Variants in ANKDD1B observed in about 807,000 individuals in gnomAD.
ANKDD1B encodes the protein ankyrin repeat and death domain containing 1B.
ANKDD1B carries 57 observed loss-of-function variants against 59.7 expected under a neutral mutation model. The observed-to-expected ratio is 0.95, with a 90% confidence interval of 0.77 to 1.19. The LOEUF (loss-of-function observed/expected upper bound fraction) is 1.19. ANKDD1B is among the 50% of genes most tolerant of loss of function. The pLI is 0.00. For missense variants in ANKDD1B, 602 were observed against 641.9 expected, an observed-to-expected ratio of 0.94 and a Z score of 0.67; for synonymous variants, 216 against 239.5, an observed-to-expected ratio of 0.90 and a Z score of 0.91.
At chr5:75,655,897 G>A in intron 8 of ANKDD1B, 132 bp from the exon 9 acceptor site, 1 of 553,066 alleles carries the variant, frequency 1.8e-6, no homozygotes, top group Non-Finnish European at 3.2e-6. Context: ...CACTTACTAA[G>A]GGTCACCACT....
Position 75,667,054 on chromosome 5 carries a change from C to T in ANKDD1B, c.1393+61C>T, listed in dbSNP as rs1775326049. 3.5e-6 allele frequency: 4 copies of T among 1,147,392 alleles called. No individual in the cohort carries two copies. In the Admixed American group the frequency reaches 9.9e-5, roughly 28 times the overall value. 71.1% of individuals were successfully genotyped at this position (1,147,392 alleles called of 1,614,324 possible). A position where few individuals can be genotyped will look rare whatever the true frequency, so the allele number is the denominator to read the frequency against. On this transcript the variant is annotated intron_variant, in intron 12 of 13. Transcript: ENST00000601380. ...TCACTGTTAGGAACAGCAGTGCCTC[C>T]TGGTGTGAGGTCTTCCAAGGAAGTG...
intron 10 of ANKDD1B, among the ~76,000 whole-genome samples, chr5:75,663,176 G>A (rs1775204821): frequency 6.6e-6 from 1 of 152,178 alleles, no homozygotes; most frequent in Admixed American, 6.5e-5. Flanking sequence ...TATTCAGGGT[G>A]GCACAGGTTC....
chr5:75,654,118 T>G (rs1016476003), intron 8 of ANKDD1B, among the ~76,000 whole-genome samples: 7 of 152,242 alleles, frequency 4.6e-5, no homozygotes, highest in African/African-American at 1.2e-4. Flanking sequence ...TCACATCATC[T>G]GTCTGCTCTG....
chr5:75,618,143 A>G (rs1212747086), intron 2 of ANKDD1B, among the ~76,000 whole-genome samples: 1 of 152,120 alleles, frequency 6.6e-6, no homozygotes, highest in Non-Finnish European at 1.5e-5. Context: ...AAAGGAAGGA[A>G]AGGCAGAAAG....
At chr5:75,663,536 C>A in intron 11 of ANKDD1B, 47 bp downstream of exon 11, 1 of 1,456,482 alleles carries the variant, frequency 6.9e-7, no homozygotes, top group Non-Finnish European at 9.3e-7. Flanking sequence ...CTGGCAACAC[C>A]CATCTTCTTG....
rs754632598 is a variant in ANKDD1B at position 75,625,875 on chromosome 5, G to T, written c.520G>T (p.Ala174Ser). The T allele has an allele frequency of 1.3e-6, 2 of 1,536,328 alleles. No individual in the cohort carries two copies. The highest frequency in any genetic ancestry group is 2.4e-5 in the South Asian group (2 of 84,064). The change falls in exon 5 of 14, where the codon GCC becomes TCC. Residue 174 changes from alanine (A) to serine (S), a missense_variant. Ala to Ser is a moderately conservative substitution (Grantham distance 99, BLOSUM62 1). Around this residue, in one of 3 missense-constraint regions of ANKDD1B, gnomAD observed 317 missense variants for 304.6 expected, o/e 1.04. Coordinates refer to ENST00000601380, the MANE Select transcript of ANKDD1B (RefSeq NM_001276713.2). Reference sequence around the variant, plus strand: ...GGATGGAATGAGCGCCCTCCACTTTGCCACTCAGAGCAATCATGTGCGCAT... The same window carrying T: ...GGATGGAATGAGCGCCCTCCACTTTTCCACTCAGAGCAATCATGTGCGCAT... ...NQDGMSALHF[A>S]TQSNHVRIVE... is the part of the protein sequence containing the mutation.
At chr5:75,650,136 G>C (rs1991450) in intron 7 of ANKDD1B, among the ~76,000 whole-genome samples, 26,448 of 152,168 alleles carry the variant, frequency 0.17, 6,344 homozygotes, top group African/African-American at 0.54. Flanking sequence ...TGTTCACATC[G>C]CAATTCCCGG....
chr5:75,624,542 T>A, intron 3 of ANKDD1B, among the ~76,000 whole-genome samples: 1 of 152,240 alleles, frequency 6.6e-6, no homozygotes, highest in Non-Finnish European at 1.5e-5. Flanking sequence ...CTCACAACTT[T>A]ATGCACATGT....
At chr5:75,648,760 C>T (rs939335281) in intron 7 of ANKDD1B, among the ~76,000 whole-genome samples, 1 of 152,308 alleles carries the variant, frequency 6.6e-6, no homozygotes, top group African/African-American at 2.4e-5. Flanking sequence ...CAGTGTGAAG[C>T]AAGAAGCCAA....
intron 11 of ANKDD1B, among the ~76,000 whole-genome samples, 159 bp from the exon 12 acceptor site, chr5:75,666,632 CA>C (rs78464950): frequency 0.45 from 25,172 of 56,518 alleles, 2,418 homozygotes; most frequent in South Asian, 0.52. Flanking sequence ...TTTTGGATGG[CA>C]AAAAAAAAAA....
At chr5:75,661,396 GAAAAAAAAAAAAAAAA>G (rs11357068) in intron 10 of ANKDD1B, among the ~76,000 whole-genome samples, 5 of 36,812 alleles carry the variant, frequency 1.4e-4, no homozygotes, top group East Asian at 2.4e-3. Flanking sequence ...AACTCCGTCT[GAAAAAAAAAAAAAAAA>G]AAAAAAAAAA....
chr5:75,618,739 TTTTTG>T (rs928633634), intron 2 of ANKDD1B, among the ~76,000 whole-genome samples: 4 of 152,076 alleles, frequency 2.6e-5, no homozygotes, highest in South Asian at 2.1e-4. Flanking sequence ...CTGATGGGTT[TTTTTG>T]TTTTGTTTTG....
At chr5:75,670,653 G>T (rs189307575) in intron 13 of ANKDD1B, among the ~76,000 whole-genome samples, 57 of 152,282 alleles carry the variant, frequency 3.7e-4, no homozygotes, top group Admixed American at 2.9e-3. Context: ...TGGGAAAAGG[G>T]TTAAATGTAT....
intron 7 of ANKDD1B, among the ~76,000 whole-genome samples, chr5:75,650,120 C>T (rs1774790596): frequency 6.6e-6 from 1 of 152,180 alleles, no homozygotes; most frequent in South Asian, 2.1e-4. Context: ...TTCCCCACCC[C>T]AGAGATGTTC....
intron 11 of ANKDD1B, 42 bp from the exon 12 acceptor site, chr5:75,666,750 G>A: frequency 2.9e-6 from 4 of 1,378,598 alleles, no homozygotes; most frequent in Non-Finnish European, 3.0e-6. Context: ...GTAATAAGTA[G>A]AACATGTCTG....
chr5:75,618,014 T>C (rs768929777), intron 2 of ANKDD1B, among the ~76,000 whole-genome samples: 1 of 151,798 alleles, frequency 6.6e-6, no homozygotes, highest in Non-Finnish European at 1.5e-5. Flanking sequence ...GTGTGTGTGA[T>C]GTGTTATGGG....
chr5:75,640,296 C>T (rs1336249955), intron 7 of ANKDD1B, among the ~76,000 whole-genome samples: 1 of 152,212 alleles, frequency 6.6e-6, no homozygotes, highest in Non-Finnish European at 1.5e-5. Context: ...CTGCCTGCCT[C>T]AGCCTCCCAA....
intron 3 of ANKDD1B, among the ~76,000 whole-genome samples, chr5:75,622,475 A>C (rs1028815053): frequency 1.3e-5 from 2 of 152,172 alleles, no homozygotes; most frequent in Admixed American, 1.3e-4. Flanking sequence ...ACTGCATGCT[A>C]GGGACCAAAG....
At chr5:75,670,376 T>G (rs1385842872) in intron 13 of ANKDD1B, among the ~76,000 whole-genome samples, 1 of 152,238 alleles carries the variant, frequency 6.6e-6, no homozygotes, top group Non-Finnish European at 1.5e-5. Context: ...AAATGTCAAG[T>G]CCTAGAAAAT....
Sources: gnomAD v4.1 joint callset for allele counts (sites outside exome capture counted in the v4.1 genomes callset) on GRCh38, gnomAD v4.1.1 for gene constraint, gnomAD v4.1.1 regional missense constraint, MANE v1.5 for transcripts, NCBI Gene and HGNC (gene_info 2026-07-23, HGNC 2026-07-21) for gene names.